Variants in DGCR2 observed in about 807,000 individuals in gnomAD.
DGCR2 encodes DiGeorge syndrome critical region gene 2, also known as integral membrane protein DGCR2/IDD.
A neutral mutation model predicts 51.6 loss-of-function variants in DGCR2; 24 were observed. The observed-to-expected ratio is 0.47, with a 90% CI of 0.34 to 0.65. DGCR2 has a LOEUF of 0.65. Ranked by LOEUF, DGCR2 falls within the 30% of genes least tolerant of loss-of-function variation. The pLI is 0.01. For missense variants in DGCR2, 765 were observed against 772.1 expected, an observed-to-expected ratio of 0.99 and a Z score of 0.11; for synonymous variants, 340 against 315.4, an observed-to-expected ratio of 1.08 and a Z score of -0.82.
chr22:19,117,183 T>A (rs2083382343), intron 1 of DGCR2, among the ~76,000 whole-genome samples: 1 of 152,128 alleles, frequency 6.6e-6, no homozygotes, highest in Admixed American at 6.5e-5. Flanking sequence ...CGGCCACCGC[T>A]GCTAAGAGGA....
chr22:19,068,141 T>C lies in DGCR2; in HGVS notation c.287A>G (p.His96Arg), dbSNP rs560288862. The part of the protein sequence containing the change: ...QGRARGGDPS[H>R]FHAVNVAQPV... ...CTGCGCCACGTTCACCGCGTGGAAG[T>C]GCGAAGGGTCGCCTCCTCTGGCCCG... Residue 96 changes from histidine to arginine, a missense_variant, in exon 3 of 10, where the codon CAC becomes CGC. By Grantham distance (29) the His-to-Arg change is conservative. Coordinates refer to ENST00000263196, the MANE Select transcript of DGCR2 (RefSeq NM_005137.3). 1.9e-6 allele frequency: 3 copies of C among 1,609,764 alleles called. No homozygotes were observed. In the African/African-American group the frequency reaches 4.0e-5, roughly 21 times the overall value.
At chr22:19,107,904 T>C (rs935265434) in intron 1 of DGCR2, among the ~76,000 whole-genome samples, 1 of 152,244 alleles carries the variant, frequency 6.6e-6, no homozygotes, top group Non-Finnish European at 1.5e-5. Flanking sequence ...CCAATTTCTC[T>C]AAGAGAAAGA....
intron 1 of DGCR2, among the ~76,000 whole-genome samples, chr22:19,118,812 G>GA (rs2083400768): frequency 6.6e-6 from 1 of 152,250 alleles, no homozygotes; most frequent in African/African-American, 2.4e-5. Flanking sequence ...AAGCTAGAAA[G>GA]AAAAACAGTT....
intron 7 of DGCR2, among the ~76,000 whole-genome samples, chr22:19,042,552 T>A (rs1308938214): frequency 1.3e-5 from 2 of 152,152 alleles, no homozygotes; most frequent in Non-Finnish European, 2.9e-5. Flanking sequence ...GCTGGCAGTT[T>A]GGAGTGGGGG....
intron 1 of DGCR2, among the ~76,000 whole-genome samples, chr22:19,096,604 AT>A (rs371643384): frequency 1.4e-5 from 2 of 145,206 alleles, no homozygotes; most frequent in Admixed American, 7.2e-5. Context: ...TTAACAAAAA[AT>A]TTTTTTAAAG....
At chr22:19,079,198 C>A (rs1601245000) in intron 2 of DGCR2, among the ~76,000 whole-genome samples, 1 of 152,106 alleles carries the variant, frequency 6.6e-6, no homozygotes, top group Non-Finnish European at 1.5e-5. Flanking sequence ...CAGATATGAG[C>A]CCAGCCCAAA....
intron 5 of DGCR2, chr22:19,061,584 A>AC (rs1360196218): frequency 6.6e-6 from 1 of 152,156 alleles, no homozygotes; most frequent in Non-Finnish European, 1.5e-5. Context: ...CTTGTGCCAC[A>AC]TTTGGTTTTA....
intron 7 of DGCR2, among the ~76,000 whole-genome samples, chr22:19,042,628 T>C (rs143152256): frequency 2.6e-5 from 4 of 152,102 alleles, no homozygotes; most frequent in African/African-American, 7.2e-5. Context: ...GGGAGTAGCA[T>C]AGGGCATCAG....
rs937201851 is a variant in DGCR2 at position 19,084,309 on chromosome 22, A to G, written c.202+5059T>C. 2.2e-4 allele frequency among the ~76,000 whole-genome samples: 33 copies of G among 148,088 alleles called. 1 individual carries two copies. Among genetic ancestry groups the G allele is most frequent in the African/African-American group, 6.1e-4 (24 of 39,548 alleles). ...TGCCCGGCCGCCCATCATCTGAGAT[A>G]TGGGGAGCGCCTCTGCCCCGCCGCC... On this transcript the variant is annotated intron_variant, in intron 2 of 9. Coordinates refer to ENST00000263196, the MANE Select transcript of DGCR2 (RefSeq NM_005137.3).
chr22:19,119,179 G>A (rs1191429091), intron 1 of DGCR2, among the ~76,000 whole-genome samples: 2 of 152,164 alleles, frequency 1.3e-5, no homozygotes, highest in Non-Finnish European at 2.9e-5. Flanking sequence ...AGCATAATAT[G>A]AGGTACTCCT....
chr22:19,060,984 A>AGGCGGGGGACAATCTAGAAAGC (rs2082656665), intron 5 of DGCR2: 1 of 349,112 alleles, frequency 2.9e-6, no homozygotes. Context: ...CACAGAAAAG[A>AGGCGGGGGACAATCTAGAAAGC]TGGACAACAT....
chr22:19,048,331 G>A (rs141599309), intron 7 of DGCR2, 109 bp downstream of exon 7: 120 of 1,155,292 alleles, frequency 1.0e-4, no homozygotes, highest in Non-Finnish European at 1.3e-4. Context: ...GCTGCTGCGC[G>A]ATGCTCCATA....
intron 2 of DGCR2, among the ~76,000 whole-genome samples, chr22:19,073,765 A>G (rs1202275155): frequency 1.3e-5 from 2 of 152,256 alleles, no homozygotes; most frequent in Non-Finnish European, 1.5e-5. Flanking sequence ...GCAAACAAGG[A>G]AACACAAACC....
At chr22:19,082,878 C>G (rs529336073) in intron 2 of DGCR2, among the ~76,000 whole-genome samples, 3 of 152,150 alleles carry the variant, frequency 2.0e-5, no homozygotes, top group Non-Finnish European at 4.4e-5. Flanking sequence ...TGCTTAAACT[C>G]GTGAGTTAGA....
chr22:19,093,363 A>G (rs1217207444), intron 1 of DGCR2, among the ~76,000 whole-genome samples: 2 of 58,358 alleles, frequency 3.4e-5, no homozygotes, highest in African/African-American at 3.7e-4. Flanking sequence ...TCCACCTCGA[A>G]AAAAAAAAAA....
intron 1 of DGCR2, among the ~76,000 whole-genome samples, chr22:19,106,724 C>G (rs1397954694): frequency 1.3e-5 from 2 of 152,172 alleles, no homozygotes; most frequent in East Asian, 1.9e-4. Flanking sequence ...GACCCGCCTA[C>G]TCAGTGTCCC....
At chr22:19,114,062 GAAAAA>G (rs55948025) in intron 1 of DGCR2, among the ~76,000 whole-genome samples, 58 of 80,978 alleles carry the variant, frequency 7.2e-4, no homozygotes, top group South Asian at 3.9e-3. Flanking sequence ...TCCATTTGAG[GAAAAA>G]AAAAAAAAAA....
chr22:19,105,521 G>A (rs922365182), intron 1 of DGCR2, among the ~76,000 whole-genome samples: 1 of 152,166 alleles, frequency 6.6e-6, no homozygotes, highest in Non-Finnish European at 1.5e-5. Flanking sequence ...GCAGGCCTCT[G>A]GCAAGCACCC....
chr22:19,083,216 G>A (rs891185527), intron 2 of DGCR2, among the ~76,000 whole-genome samples: 1 of 152,136 alleles, frequency 6.6e-6, no homozygotes. Flanking sequence ...ATCCTTCTCC[G>A]ACTGTCACAG....
Sources: allele counts gnomAD v4.1 joint callset (sites outside exome capture counted in the v4.1 genomes callset), GRCh38; gene constraint gnomAD v4.1.1; transcripts MANE v1.5; gene names NCBI Gene and HGNC (gene_info 2026-07-23, HGNC 2026-07-21).